The following CD300LF variants were observed in gnomAD, a reference collection of about 807,000 sequenced individuals.
The protein encoded by CD300LF is CD300 molecule like family member f.
Under a neutral mutation model 32.2 loss-of-function variants are expected in CD300LF, and 27 were observed. The observed-to-expected ratio is 0.84, with a 90% CI of 0.62 to 1.15. The LOEUF is 1.15. Among genes scored for constraint, CD300LF ranks in the 50% most tolerant of loss-of-function variants. The probability of loss-of-function intolerance (pLI) is 0.00; values close to 1 mark genes in which losing one functional copy is unlikely to be tolerated. For missense variants in CD300LF, 348 were observed against 356.8 expected (o/e 0.98, Z 0.20); for synonymous variants, 139 against 143.2 (o/e 0.97, Z 0.21).
At chr17:74,698,618 A>T in intron 3 of CD300LF, 137 bp from the exon 4 acceptor site, 2 of 1,484,020 alleles carry the variant, frequency 1.3e-6, no homozygotes, top group Non-Finnish European at 1.8e-6. Context: ...GGGAACCCTC[A>T]CTCCTGGGGA....
chr17:74,707,838 C>T (rs1049105127), intron 1 of CD300LF, among the ~76,000 whole-genome samples: 11 of 151,574 alleles, frequency 7.3e-5, no homozygotes, highest in African/African-American at 2.7e-4. Context: ...AATGTTATGC[C>T]AATGAATTTA....
intron 4 of CD300LF, among the ~76,000 whole-genome samples, chr17:74,697,328 C>A (rs568003880): frequency 8.4e-4 from 128 of 152,234 alleles, no homozygotes; most frequent in African/African-American, 3.0e-3. Context: ...CAGCCACCAG[C>A]CCCACATCCC....
At chr17:74,696,848 TC>T (rs2032526280) in intron 4 of CD300LF, among the ~76,000 whole-genome samples, 1 of 152,244 alleles carries the variant, frequency 6.6e-6, no homozygotes, top group East Asian at 1.9e-4. Flanking sequence ...CACCAAGCTG[TC>T]CCCCAACCCC....
intron 1 of CD300LF, chr17:74,705,272 G>C (rs1400439919): frequency 1.4e-6 from 1 of 700,942 alleles, no homozygotes; most frequent in Non-Finnish European, 2.6e-6. Context: ...GCTGTGGAGA[G>C]GCTGTCCTGG....
rs144985522 is a variant in CD300LF at position 74,704,763 on chromosome 17, G to T, written c.97C>A (p.Arg33=). The T allele has an allele frequency of 6.2e-7, 1 of 1,613,982 alleles. No homozygotes were observed. Among genetic ancestry groups the T allele is most frequent in the Non-Finnish European group, 8.5e-7 (1 of 1,180,028 alleles). The change falls in exon 2 of 7, where the codon CGG becomes AGG. Residue 33 remains arginine (R), a synonymous_variant. Transcript: ENST00000326165. ...ACACACTGCACGGTCAAGGAGCCCC[G>T]CTCCAAGCCATTCACTGTTGTTGGA... ...TGPTTVNGLE[R]GSLTVQCVYR...
intron 1 of CD300LF, among the ~76,000 whole-genome samples, chr17:74,705,694 A>C (rs1464041762): frequency 1.3e-5 from 2 of 151,996 alleles, no homozygotes; most frequent in Non-Finnish European, 2.9e-5. Flanking sequence ...TCCCAGGCTT[A>C]ATTGATCCTC....
chr17:74,696,293 G>A (rs1598204922), intron 4 of CD300LF, 76 bp from the exon 5 acceptor site: 3 of 1,473,188 alleles, frequency 2.0e-6, no homozygotes, highest in East Asian at 4.8e-5. Flanking sequence ...CTAGGGAAGA[G>A]AAATATGGAA....
chr17:74,702,961 A>G, intron 3 of CD300LF, 74 bp downstream of exon 3: 1 of 1,256,342 alleles, frequency 8.0e-7, no homozygotes, highest in Non-Finnish European at 1.2e-6. Flanking sequence ...CAGGCTGGAA[A>G]ATGGGACTTC....
Position 74,703,040 on chromosome 17 carries a change from G to A in CD300LF, c.441C>T (p.Asp147=), listed in dbSNP as rs763772328. The A allele has an allele frequency of 1.7e-5, 28 of 1,613,264 alleles. No homozygotes were observed. The highest frequency in any genetic ancestry group is 2.1e-5 in the Non-Finnish European group (25 of 1,179,330). Residue 147 remains aspartate, a synonymous_variant, in exon 3 of 7, where the codon GAC becomes GAT. Coordinates refer to ENST00000326165, the MANE Select transcript of CD300LF (RefSeq NM_139018.5). ...TGGAACCAGAGCTGGCTTACCTGTTGTCCAAGTGGTGGCCGGTCAGAGTTG... is the reference window on the plus strand; with the variant it reads ...TGGAACCAGAGCTGGCTTACCTGTTATCCAAGTGGTGGCCGGTCAGAGTTG... The part of the protein sequence containing the change: ...SSPTLTGHHL[D]NRHKLLKLSV...
At chr17:74,702,771 A>G (rs1446404110) in intron 3 of CD300LF, among the ~76,000 whole-genome samples, 2 of 152,218 alleles carry the variant, frequency 1.3e-5, no homozygotes, top group Non-Finnish European at 2.9e-5. Flanking sequence ...GCAGCCATGT[A>G]GAAGTTATTA....
intron 2 of CD300LF, among the ~76,000 whole-genome samples, chr17:74,704,046 A>G (rs2033301196): frequency 6.6e-6 from 1 of 152,190 alleles, no homozygotes; most frequent in Non-Finnish European, 1.5e-5. Context: ...CAGGTTAGAT[A>G]TGGAATGGGA....
chr17:74,707,610 G>C (rs7219573), intron 1 of CD300LF, among the ~76,000 whole-genome samples: 1,680 of 152,098 alleles, frequency 0.011, 24 homozygotes, highest in African/African-American at 0.039. Context: ...AGCTACTTGG[G>C]AGGCTGAGGT....
At chr17:74,696,335 A>C in intron 4 of CD300LF, 118 bp from the exon 5 acceptor site, 1 of 1,057,112 alleles carries the variant, frequency 9.5e-7, no homozygotes, top group Non-Finnish European at 1.4e-6. Context: ...AGGCTCAGAG[A>C]CAGGGACCTG....
At chr17:74,705,405 ACTTT>A in intron 1 of CD300LF, 2 of 527,212 alleles carry the variant, frequency 3.8e-6, no homozygotes, top group South Asian at 2.7e-5. Context: ...CACAGATCCC[ACTTT>A]CTTTAATGAA....
intron 3 of CD300LF, 138 bp from the exon 4 acceptor site, chr17:74,698,619 C>T (rs1054722386): frequency 6.7e-6 from 10 of 1,486,040 alleles, no homozygotes; most frequent in African/African-American, 2.8e-5. Context: ...GGAACCCTCA[C>T]TCCTGGGGAT....
chr17:74,711,515 G>A (rs1420854648), intron 1 of CD300LF, among the ~76,000 whole-genome samples: 1 of 152,182 alleles, frequency 6.6e-6, no homozygotes, highest in Non-Finnish European at 1.5e-5. Flanking sequence ...TAGCAGTCCT[G>A]GACAAGTCAC....
At chr17:74,700,096 C>T (rs1259840498) in intron 3 of CD300LF, among the ~76,000 whole-genome samples, 2 of 151,794 alleles carry the variant, frequency 1.3e-5, no homozygotes, top group Middle Eastern at 3.4e-3. Flanking sequence ...GAGCTGAGAT[C>T]GCGCCACTGC....
intron 1 of CD300LF, among the ~76,000 whole-genome samples, chr17:74,708,184 G>GA (rs543996074): frequency 8.1e-4 from 119 of 147,572 alleles, no homozygotes; most frequent in Non-Finnish European, 1.4e-3. Context: ...AGAAAGAAAA[G>GA]AAAAAAAATA....
chr17:74,696,695 C>T (rs944517680), intron 4 of CD300LF, among the ~76,000 whole-genome samples: 4 of 152,208 alleles, frequency 2.6e-5, no homozygotes, highest in Non-Finnish European at 4.4e-5. Context: ...TCATCATCTT[C>T]GTCCTACTGA....
Sources: gnomAD v4.1 joint callset for allele counts (sites outside exome capture counted in the v4.1 genomes callset) on GRCh38, gnomAD v4.1.1 for gene constraint, MANE v1.5 for transcripts, NCBI Gene and HGNC (gene_info 2026-07-23, HGNC 2026-07-21) for gene names.